Variants in TAS2R1 observed in about 807,000 individuals in gnomAD.
TAS2R1 encodes taste receptor type 2 member 1.
For missense variants in TAS2R1, 370 were observed against 353.4 expected, an observed-to-expected ratio of 1.05 and a Z score of -0.38; for synonymous variants, 141 against 134.2, an observed-to-expected ratio of 1.05 and a Z score of -0.35.
the TAS2R1 span, among the ~76,000 whole-genome samples, chr5:9,869,115 A>C: frequency 6.6e-6 from 1 of 152,166 alleles, no homozygotes; most frequent in African/African-American, 2.4e-5. Flanking sequence ...TGAGCCCTCC[A>C]AACTGTTCCA....
intron 1 of TAS2R1, among the ~76,000 whole-genome samples, chr5:9,677,355 G>T (rs1472808460): frequency 6.6e-6 from 1 of 151,806 alleles, no homozygotes; most frequent in African/African-American, 2.4e-5. Context: ...AAATCCCCAT[G>T]ACACAAGTTC....
chr5:9,750,144 C>T, the TAS2R1 span, among the ~76,000 whole-genome samples: 2 of 152,180 alleles, frequency 1.3e-5, no homozygotes, highest in Non-Finnish European at 2.9e-5. Context: ...GTTATTCCTC[C>T]ACTCACTTCC....
chr5:9,655,199 G>A (rs189963578), intron 2 of TAS2R1, among the ~76,000 whole-genome samples: 8 of 152,284 alleles, frequency 5.3e-5, no homozygotes, highest in African/African-American at 1.9e-4. Context: ...CTTTCTCAGG[G>A]AAGAGAAATG....
At chr5:9,715,373 T>C (rs561083663), upstream of TAS2R1, among the ~76,000 whole-genome samples, 17 of 152,190 alleles carry the variant, frequency 1.1e-4, no homozygotes, top group Admixed American at 2.6e-4. Flanking sequence ...ACCCACCCAA[T>C]TGGGCAGCCT....
At chr5:9,750,054 T>C in the TAS2R1 span, among the ~76,000 whole-genome samples, 3 of 152,220 alleles carry the variant, frequency 2.0e-5, no homozygotes, top group Admixed American at 6.5e-5. Flanking sequence ...AGCTATCTTG[T>C]CTTCTGGCTT....
chr5:9,872,971 T>G, the TAS2R1 span, among the ~76,000 whole-genome samples: 2 of 152,162 alleles, frequency 1.3e-5, no homozygotes, highest in Non-Finnish European at 2.9e-5. Flanking sequence ...TTTGAGGATT[T>G]AGGGTGCATT....
At chr5:9,814,900 T>C in the TAS2R1 span, among the ~76,000 whole-genome samples, 1 of 152,208 alleles carries the variant, frequency 6.6e-6, no homozygotes, top group East Asian at 1.9e-4. Context: ...AACACTGTTA[T>C]TGTTTAGCAT....
At chr5:9,724,728 C>T in the TAS2R1 span, among the ~76,000 whole-genome samples, 1 of 152,202 alleles carries the variant, frequency 6.6e-6, no homozygotes, top group Non-Finnish European at 1.5e-5. Flanking sequence ...GAGCTTTGAG[C>T]AAGTCTTCTC....
intron 1 of TAS2R1, among the ~76,000 whole-genome samples, chr5:9,696,138 A>T (rs1270671433): frequency 6.6e-6 from 1 of 152,254 alleles, no homozygotes; most frequent in Non-Finnish European, 1.5e-5. Flanking sequence ...ATATTCAAAA[A>T]AAAATTTTAG....
chr5:9,902,947 T>TA, the TAS2R1 span, among the ~76,000 whole-genome samples: 464 of 151,348 alleles, frequency 3.1e-3, 6 homozygotes, highest in African/African-American at 0.011. Flanking sequence ...AATTCTTTTT[T>TA]AAAAAAAAAT....
Position 9,655,570 on chromosome 5 carries a change from T to C in TAS2R1, c.-81+3851A>G, listed in dbSNP as rs569521640. Among the ~76,000 whole-genome samples the C allele has an allele frequency of 5.3e-5, 8 of 152,170 alleles. No homozygotes were observed. In the East Asian group the frequency reaches 1.5e-3, roughly 29 times the overall value. On this transcript the variant is annotated intron_variant, in intron 2 of 2. Transcript: ENST00000506620. Reference sequence around the variant, plus strand: ...ATAAATAGGCAATTTGTGAAAGAAATATATAAGCCCCAAACAAAATTTAAA... The same window carrying C: ...ATAAATAGGCAATTTGTGAAAGAAACATATAAGCCCCAAACAAAATTTAAA...
chr5:9,711,111 C>G (rs932975618), intron 1 of TAS2R1, among the ~76,000 whole-genome samples: 1 of 151,594 alleles, frequency 6.6e-6, no homozygotes. Flanking sequence ...TGGAGATCAT[C>G]AAAAAATTCA....
At chr5:9,762,305 C>G in the TAS2R1 span, among the ~76,000 whole-genome samples, 2 of 152,058 alleles carry the variant, frequency 1.3e-5, no homozygotes, top group Admixed American at 6.5e-5. Context: ...GGAATTTCTG[C>G]AAATAAAGGC....
At chr5:9,759,939 T>C in the TAS2R1 span, among the ~76,000 whole-genome samples, 1 of 152,138 alleles carries the variant, frequency 6.6e-6, no homozygotes, top group Non-Finnish European at 1.5e-5. Context: ...AAAATATAAA[T>C]AAACTTGGTA....
chr5:9,856,166 A>G, the TAS2R1 span, among the ~76,000 whole-genome samples: 1 of 152,244 alleles, frequency 6.6e-6, no homozygotes, highest in Non-Finnish European at 1.5e-5. Context: ...AGAATTTAAG[A>G]ACTGACAGAT....
chr5:9,638,101 G>T (rs185674207), intron 2 of TAS2R1, among the ~76,000 whole-genome samples: 2 of 152,170 alleles, frequency 1.3e-5, no homozygotes, highest in Non-Finnish European at 2.9e-5. Context: ...AGATTCTCTT[G>T]TCCCATGGGG....
At chr5:9,852,000 T>C in the TAS2R1 span, among the ~76,000 whole-genome samples, 2 of 152,100 alleles carry the variant, frequency 1.3e-5, no homozygotes, top group African/African-American at 4.8e-5. Context: ...TGAAAAAGAA[T>C]AAGAGAGAAG....
rs1409272787 is a variant in TAS2R1, at chr5:9,629,520, T to C, written c.513A>G (p.Thr171=). 2 of 1,614,098 alleles carry C rather than the reference T, an allele frequency of 1.2e-6. No homozygotes were observed. Among genetic ancestry groups the C allele is most frequent in the Non-Finnish European group, 1.7e-6 (2 of 1,179,998 alleles). Residue 171 remains threonine, a synonymous_variant, in exon 1 of 1, where the codon ACA becomes ACG. Coordinates refer to ENST00000382492, the MANE Select transcript of TAS2R1 (RefSeq NM_019599.3). The part of the protein sequence containing the change: ...SQNATIQKED[T]LAIQIFSFVA... Reference sequence around the variant, plus strand: ...CAAAAGAGAAAATCTGTATAGCCAGTGTATCTTCTTTTTGAATTGTGGCAT... The same window carrying C: ...CAAAAGAGAAAATCTGTATAGCCAGCGTATCTTCTTTTTGAATTGTGGCAT...
chr5:9,665,706 G>A (rs1561373188), intron 1 of TAS2R1, among the ~76,000 whole-genome samples: 2 of 152,178 alleles, frequency 1.3e-5, no homozygotes, highest in African/African-American at 4.8e-5. Flanking sequence ...CTGCCTCTAG[G>A]GTTGTTATGA....
Sources: gnomAD v4.1 joint callset for allele counts (sites outside exome capture counted in the v4.1 genomes callset) on GRCh38, gnomAD v4.1.1 for gene constraint, MANE v1.5 for transcripts, NCBI Gene and HGNC (gene_info 2026-07-23, HGNC 2026-07-21) for gene names.